Variants in SLC26A5 observed in about 807,000 individuals in gnomAD.
The protein encoded by SLC26A5 is solute carrier family 26 member 5.
Under a neutral mutation model 81.0 loss-of-function variants are expected in SLC26A5, and 51 were observed. That is an observed-to-expected ratio of 0.63 (90% CI 0.50 to 0.80). The LOEUF (loss-of-function observed/expected upper bound fraction) is 0.80. SLC26A5 is among the 30% of genes least tolerant of loss of function. SLC26A5 has a pLI of 0.00. For missense variants in SLC26A5, 771 were observed against 905.8 expected (o/e 0.85, Z 1.91); for synonymous variants, 325 against 332.8 (o/e 0.98, Z 0.25).
chr7:103,358,099 G>T (rs954379474), intron 19 of SLC26A5, among the ~76,000 whole-genome samples: 3 of 152,140 alleles, frequency 2.0e-5, no homozygotes, highest in Non-Finnish European at 4.4e-5. Flanking sequence ...CAGTTGGGAG[G>T]TAATATTTTG....
intron 19 of SLC26A5, chr7:103,353,815 CACTT>C: frequency 1.1e-6 from 1 of 935,266 alleles, no homozygotes; most frequent in South Asian, 1.5e-5. Context: ...TTTTGACACT[CACTT>C]AAAACAATTT....
chr7:103,420,985 A>T, intron 3 of SLC26A5, 108 bp from the exon 4 acceptor site: 1 of 1,261,082 alleles, frequency 7.9e-7, no homozygotes, highest in Non-Finnish European at 1.1e-6. Context: ...ATCTGGAAAA[A>T]TTTCCAATTG....
chr7:103,407,468 G>T (rs1161742141), intron 8 of SLC26A5, among the ~76,000 whole-genome samples: 2 of 152,162 alleles, frequency 1.3e-5, no homozygotes, highest in African/African-American at 4.8e-5. Flanking sequence ...AGTGTCAAGG[G>T]ATGGAGAAAG....
intron 14 of SLC26A5, among the ~76,000 whole-genome samples, chr7:103,383,034 A>C (rs1270814548): frequency 6.6e-6 from 1 of 152,238 alleles, no homozygotes; most frequent in Non-Finnish European, 1.5e-5. Flanking sequence ...CTCCATAAGC[A>C]TTCAGAGAAC....
rs1190049914 is a variant in SLC26A5, at chr7:103,388,363, AT to A, written c.1514+644del. Among the ~76,000 whole-genome samples, 3 of 149,794 alleles carry A rather than the reference AT, an allele frequency of 2.0e-5. No homozygotes were observed. In the East Asian group the frequency reaches 6.0e-4, roughly 30 times the overall value. On this transcript the variant is annotated intron_variant, in intron 14 of 19. Transcript: ENST00000306312. ...AGGTGTGTGCCACCAAGCCTGGCTA[AT>A]TTTTTTTTGTATTTTTAGCGGAGAT...
At chr7:103,374,665 T>C (rs1821221677) in intron 19 of SLC26A5, 73 bp from the exon 20 acceptor site, 3 of 1,363,998 alleles carry the variant, frequency 2.2e-6, no homozygotes, top group East Asian at 4.7e-5. Flanking sequence ...AAAGTAACAC[T>C]TCCATATAGT....
intron 2 of SLC26A5, among the ~76,000 whole-genome samples, chr7:103,431,989 C>T (rs1198676119): frequency 1.3e-5 from 2 of 152,134 alleles, no homozygotes; most frequent in African/African-American, 4.8e-5. Context: ...GAGCTCGGTT[C>T]ACTGCAACTT....
At chr7:103,414,618 TG>T (rs1190448020) in intron 4 of SLC26A5, among the ~76,000 whole-genome samples, 1 of 152,220 alleles carries the variant, frequency 6.6e-6, no homozygotes, top group Non-Finnish European at 1.5e-5. Flanking sequence ...TTTTTAATAT[TG>T]AATATTTCAT....
intron 2 of SLC26A5, among the ~76,000 whole-genome samples, chr7:103,431,630 T>C (rs1467118057): frequency 1.3e-5 from 2 of 152,190 alleles, no homozygotes; most frequent in Non-Finnish European, 2.9e-5. Context: ...CCAGCCACCA[T>C]TTTCTTAAAA....
chr7:103,409,928 C>G (rs777411080), intron 7 of SLC26A5, among the ~76,000 whole-genome samples: 1 of 152,086 alleles, frequency 6.6e-6, no homozygotes, highest in Non-Finnish European at 1.5e-5. Context: ...AGGATAGTCT[C>G]GATCTCCTGA....
intron 5 of SLC26A5, among the ~76,000 whole-genome samples, chr7:103,412,042 T>C (rs1824526369): frequency 6.6e-6 from 1 of 151,764 alleles, no homozygotes. Flanking sequence ...TGGGACTGCA[T>C]GGAGAAAGGA....
chr7:103,432,104 C>T (rs1380840399), intron 2 of SLC26A5, among the ~76,000 whole-genome samples: 5 of 151,894 alleles, frequency 3.3e-5, no homozygotes, highest in South Asian at 2.1e-4. Flanking sequence ...TTTGTAGAAA[C>T]GGGGTATCAC....
At chr7:103,421,847 T>G (rs1825378180) in intron 2 of SLC26A5, among the ~76,000 whole-genome samples, 1 of 152,232 alleles carries the variant, frequency 6.6e-6, no homozygotes, top group Admixed American at 6.5e-5. Context: ...GTCAGTTCCC[T>G]CTAGGTCCAC....
chr7:103,393,310 G>A lies in SLC26A5; in HGVS notation c.972-244C>T, dbSNP rs7804867. On this transcript the variant is annotated intron_variant, in intron 9 of 19. Transcript: ENST00000306312. ...GGGTTATCAGAAGAGATCAGATGCC[G>A]TTTTATTTATAAAAGGAGTAACCTC... Among the ~76,000 whole-genome samples the A allele has an allele frequency of 0.17, 26,522 of 152,076 alleles. 2,528 individuals are homozygous for A. Among genetic ancestry groups the A allele is most frequent in the East Asian group, 0.3 (1,532 of 5,176 alleles).
intron 6 of SLC26A5, 112 bp from the exon 7 acceptor site, chr7:103,410,661 T>C: frequency 9.8e-7 from 1 of 1,022,032 alleles, no homozygotes. Flanking sequence ...TTTTTTGAGA[T>C]GGAGTCTTGC....
chr7:103,408,266 G>A (rs1442502037), intron 7 of SLC26A5, among the ~76,000 whole-genome samples: 2 of 151,960 alleles, frequency 1.3e-5, no homozygotes, highest in Non-Finnish European at 2.9e-5. Context: ...TTGCTCTGTT[G>A]CCCAGGCTGC....
chr7:103,362,456 C>T, intron 19 of SLC26A5: 1 of 1,367,394 alleles, frequency 7.3e-7, no homozygotes, highest in Non-Finnish European at 9.4e-7. Flanking sequence ...AAAAAAAAAT[C>T]TCCCCTCCCT....
chr7:103,419,833 C>T (rs1244653888), intron 4 of SLC26A5, among the ~76,000 whole-genome samples: 4 of 151,980 alleles, frequency 2.6e-5, no homozygotes, highest in African/African-American at 4.8e-5. Context: ...CCACCACAGC[C>T]GGCCCTAGAT....
chr7:103,402,668 G>A (rs905299649), intron 8 of SLC26A5, among the ~76,000 whole-genome samples: 1 of 152,016 alleles, frequency 6.6e-6, no homozygotes, highest in African/African-American at 2.4e-5. Flanking sequence ...CAAAGTGCTC[G>A]GATTACAGGC....
Sources: allele counts gnomAD v4.1 joint callset (sites outside exome capture counted in the v4.1 genomes callset), GRCh38; gene constraint gnomAD v4.1.1; transcripts MANE v1.5; gene names NCBI Gene and HGNC (gene_info 2026-07-23, HGNC 2026-07-21).